KMT2C: variants seen among roughly 807,000 people sequenced by gnomAD.
KMT2C encodes the protein histone-lysine N-methyltransferase 2C.
In KMT2C, 88 loss-of-function variants were observed where a neutral mutation model predicts 507.9. That is an observed-to-expected ratio of 0.17 (90% confidence interval 0.15 to 0.21). The LOEUF is 0.21. KMT2C is among the 10% of genes least tolerant of loss of function. The probability of loss-of-function intolerance (pLI) is 1.00; values close to 1 mark genes in which losing one functional copy is unlikely to be tolerated. For missense variants in KMT2C, 4,954 were observed against 5,957.8 expected, an observed-to-expected ratio of 0.83 and a Z score of 5.55; for synonymous variants, 2,049 against 2,080.8, an observed-to-expected ratio of 0.98 and a Z score of 0.42.
chr7:152,356,513 T>G (rs534745501), intron 2 of KMT2C, among the ~76,000 whole-genome samples: 2 of 151,080 alleles, frequency 1.3e-5, no homozygotes, highest in Admixed American at 1.3e-4. Flanking sequence ...GAGGCGGAGG[T>G]TGCAGTGAGC....
intron 1 of KMT2C, among the ~76,000 whole-genome samples, chr7:152,375,530 C>T (rs1266392983): frequency 2.0e-5 from 3 of 150,268 alleles, no homozygotes; most frequent in Non-Finnish European, 4.4e-5. Flanking sequence ...GGATTACAGG[C>T]GCCCACAACC....
At chr7:152,377,953 CA>C (rs2097342298) in intron 1 of KMT2C, among the ~76,000 whole-genome samples, 1 of 152,066 alleles carries the variant, frequency 6.6e-6, no homozygotes, top group African/African-American at 2.4e-5. Context: ...GAAGTCATTG[CA>C]GATGTAGTGG....
intron 6 of KMT2C, among the ~76,000 whole-genome samples, chr7:152,309,356 G>A (rs1398799734): frequency 1.8e-4 from 22 of 124,440 alleles, no homozygotes; most frequent in Non-Finnish European, 1.8e-4. Flanking sequence ...TCACTCCAAC[G>A]CCCAGGCTGG....
chr7:152,247,138 T>TC, intron 14 of KMT2C, among the ~76,000 whole-genome samples: 1 of 152,296 alleles, frequency 6.6e-6, no homozygotes, highest in East Asian at 1.9e-4. Flanking sequence ...CACTATTTGT[T>TC]ATCTTGCAAT....
chr7:152,346,713 T>C (rs1171917015), intron 2 of KMT2C, among the ~76,000 whole-genome samples: 1 of 152,168 alleles, frequency 6.6e-6, no homozygotes, highest in Non-Finnish European at 1.5e-5. Flanking sequence ...TAACTACTAA[T>C]AGCCTACTGT....
At chr7:152,269,400 G>T (rs2095916373) in intron 7 of KMT2C, among the ~76,000 whole-genome samples, 1 of 152,200 alleles carries the variant, frequency 6.6e-6, no homozygotes, top group African/African-American at 2.4e-5. Flanking sequence ...GAGAAGATGT[G>T]TGGGAATACT....
chr7:152,151,105 G>T, intron 50 of KMT2C, 98 bp from the exon 51 acceptor site: 2 of 732,928 alleles, frequency 2.7e-6, no homozygotes, highest in Non-Finnish European at 4.5e-6. Flanking sequence ...AAAAGTGACA[G>T]TGGTTCTTTA....
chr7:152,421,537 A>T (rs988885413), intron 1 of KMT2C, among the ~76,000 whole-genome samples: 8 of 152,244 alleles, frequency 5.3e-5, no homozygotes, highest in African/African-American at 1.9e-4. Context: ...TGGTACATAT[A>T]CGAGACAGAA....
intron 1 of KMT2C, among the ~76,000 whole-genome samples, chr7:152,377,901 A>C (rs1218191055): frequency 6.6e-6 from 1 of 152,192 alleles, no homozygotes; most frequent in Non-Finnish European, 1.5e-5. Flanking sequence ...GTTGATTCCA[A>C]CTCTCATGGA....
At chr7:152,362,781 T>C (rs1176909996) in intron 1 of KMT2C, among the ~76,000 whole-genome samples, 1 of 152,238 alleles carries the variant, frequency 6.6e-6, no homozygotes, top group African/African-American at 2.4e-5. Context: ...TATCAACATA[T>C]CAGTTATCTG....
intron 6 of KMT2C, among the ~76,000 whole-genome samples, chr7:152,290,333 T>G (rs1215690731): frequency 1.7e-5 from 2 of 118,674 alleles, no homozygotes; most frequent in Non-Finnish European, 3.4e-5. Context: ...TTGTCTGAGA[T>G]GGAGTCTCAC....
chr7:152,327,089 T>C (rs956275462), intron 3 of KMT2C, among the ~76,000 whole-genome samples: 2 of 152,216 alleles, frequency 1.3e-5, no homozygotes, highest in African/African-American at 2.4e-5. Flanking sequence ...GTAGTGGTAG[T>C]ATAGCCCAGG....
intron 23 of KMT2C, among the ~76,000 whole-genome samples, chr7:152,213,141 C>G (rs1298822151): frequency 1.3e-5 from 2 of 152,178 alleles, no homozygotes; most frequent in Non-Finnish European, 2.9e-5. Context: ...CCATACTATC[C>G]AAAGTGATCT....
chr7:152,224,492 G>A lies in KMT2C; in HGVS notation c.3101C>T (p.Thr1034Ile). 6.2e-7 allele frequency: 1 copy of A among 1,611,890 alleles called. No homozygotes were observed. Among genetic ancestry groups the A allele is most frequent in the East Asian group, 2.2e-5 (1 of 44,882 alleles). The stretch of plus-strand genomic sequence containing the variant: ...CTGCAATGGAGGGTCTAGGCAGTAG[G>A]TGTGATAACTTATGTCACAGTCATC... The part of the protein sequence containing the change: ...LCDDCDISYH[T>I]YCLDPPLQTV... Residue 1034 changes from threonine (T) to isoleucine (I), a missense_variant, in exon 19 of 59, where the codon ACC becomes ATC. Coordinates refer to ENST00000262189, the MANE Select transcript of KMT2C (RefSeq NM_170606.3).
chr7:152,348,117 GAC>G (rs1258492847), intron 2 of KMT2C, among the ~76,000 whole-genome samples: 1 of 152,138 alleles, frequency 6.6e-6, no homozygotes, highest in African/African-American at 2.4e-5. Context: ...TTACTTAAAA[GAC>G]ACAATATGCT....
chr7:152,280,207 C>G lies in KMT2C; in HGVS notation c.850-6340G>C, dbSNP rs537626347. 1.3e-5 allele frequency among the ~76,000 whole-genome samples: 2 copies of G among 152,220 alleles called. 1 individual carries two copies. Among genetic ancestry groups the G allele is most frequent in the South Asian group, 4.1e-4 (2 of 4,826 alleles). ...CCACGAGGAAAAACCAAAGAGTGGCCTCTAGGAACTGAGAGTGACCCAAGC... is the reference window on the plus strand; with the variant it reads ...CCACGAGGAAAAACCAAAGAGTGGCGTCTAGGAACTGAGAGTGACCCAAGC... On this transcript the variant is annotated intron_variant, in intron 6 of 58. Coordinates refer to ENST00000262189, the MANE Select transcript of KMT2C (RefSeq NM_170606.3).
At chr7:152,194,191 C>T (rs748014630) in intron 30 of KMT2C, 38 bp downstream of exon 30, 61 of 1,555,640 alleles carry the variant, frequency 3.9e-5, no homozygotes, top group African/African-American at 7.0e-5. Context: ...GTATGGGGAA[C>T]GCCATTTTCA....
intron 6 of KMT2C, among the ~76,000 whole-genome samples, chr7:152,296,974 C>A (rs1001033367): frequency 1.5e-5 from 1 of 65,350 alleles, no homozygotes. Context: ...ATCCCATCAC[C>A]ACTAAAAAGA....
intron 1 of KMT2C, among the ~76,000 whole-genome samples, chr7:152,401,846 C>G (rs928731496): frequency 3.1e-4 from 46 of 147,306 alleles, no homozygotes; most frequent in South Asian, 6.5e-4. Flanking sequence ...CGTGGTGGCT[C>G]ACACCTATAA....
Sources: allele counts gnomAD v4.1 joint callset (sites outside exome capture counted in the v4.1 genomes callset), GRCh38; gene constraint gnomAD v4.1.1; transcripts MANE v1.5; gene names NCBI Gene and HGNC (gene_info 2026-07-23, HGNC 2026-07-21).